Variants in PNLIPRP3 observed in about 807,000 individuals in gnomAD.
PNLIPRP3 encodes pancreatic lipase related protein 3.
A neutral mutation model predicts 52.8 loss-of-function variants in PNLIPRP3; 58 were observed. That is an observed-to-expected ratio of 1.10 (90% CI 0.89 to 1.37). PNLIPRP3 has a LOEUF of 1.37. Among genes scored for constraint, PNLIPRP3 ranks in the 40% most tolerant of loss-of-function variants. The pLI is 0.00. For synonymous variants in PNLIPRP3, 192 were observed against 185.0 expected (o/e 1.04, Z -0.31); for missense variants, 593 against 561.6 (o/e 1.06, Z -0.57).
chr10:116,461,271 C>A lies in PNLIPRP3; in HGVS notation c.789C>A (p.Asn263Lys). The part of the protein sequence containing the change: ...EDLITPLLKF[N>K]FNAYKKEMAS... ...TAATTACACCTTTACTGAAATTTAA[C>A]TTCAATGCTTACAAAAAAGGTAAAT... Residue 263 changes from asparagine to lysine, a missense_variant, in exon 7 of 12, where the codon AAC (asparagine) becomes AAA (lysine). Coordinates refer to ENST00000369230, the MANE Select transcript of PNLIPRP3 (RefSeq NM_001011709.3). 6.2e-7 allele frequency: 1 copy of A among 1,612,674 alleles called. No homozygotes were observed. Among genetic ancestry groups the A allele is most frequent in the East Asian group, 2.2e-5 (1 of 44,868 alleles).
chr10:116,442,727 T>C (rs1845876065), intron 2 of PNLIPRP3, among the ~76,000 whole-genome samples: 1 of 152,040 alleles, frequency 6.6e-6, no homozygotes, highest in Non-Finnish European at 1.5e-5. Flanking sequence ...TAGCCATGTG[T>C]GGTGTCATGG....
chr10:116,449,619 T>A (rs539571082), intron 4 of PNLIPRP3, among the ~76,000 whole-genome samples: 3 of 152,178 alleles, frequency 2.0e-5, no homozygotes, highest in Admixed American at 2.0e-4. Context: ...AAGGGAGAAA[T>A]ACACAGCAGT....
chr10:116,454,781 A>T (rs948147250), intron 4 of PNLIPRP3, among the ~76,000 whole-genome samples: 1 of 152,202 alleles, frequency 6.6e-6, no homozygotes, highest in East Asian at 1.9e-4. Context: ...TTTATCCATT[A>T]ATTCATTGAT....
Position 116,477,083 on chromosome 10 carries a change from C to T in PNLIPRP3, c.1341-7C>T, listed in dbSNP as rs776238461. ...AATTCCTTTTTTTTTTCCTTAAAAACTTTCAGATCTACCTTCTGTAGCCAA... is the reference window on the plus strand; with the variant it reads ...AATTCCTTTTTTTTTTCCTTAAAAATTTTCAGATCTACCTTCTGTAGCCAA... On this transcript the variant is annotated splice_polypyrimidine_tract_variant and splice_region_variant and intron_variant, in intron 11 of 11. Coordinates refer to ENST00000369230, the MANE Select transcript of PNLIPRP3 (RefSeq NM_001011709.3). The T allele has an allele frequency of 1.5e-5, 23 of 1,569,204 alleles. No individual in the cohort carries two copies. Among genetic ancestry groups the T allele is most frequent in the Admixed American group, 1.8e-5 (1 of 56,294 alleles).
chr10:116,460,578 G>A (rs1297112414), intron 5 of PNLIPRP3, among the ~76,000 whole-genome samples: 1 of 152,148 alleles, frequency 6.6e-6, no homozygotes, highest in Non-Finnish European at 1.5e-5. Context: ...GTGTTGCTTT[G>A]TAGATTCATC....
chr10:116,451,268 C>T (rs555100037), intron 4 of PNLIPRP3, among the ~76,000 whole-genome samples: 3 of 152,270 alleles, frequency 2.0e-5, no homozygotes, highest in Admixed American at 2.0e-4. Context: ...TATACACACA[C>T]ACACAAATCA....
chr10:116,439,583 A>G (rs771821061), intron 2 of PNLIPRP3: 56 of 809,278 alleles, frequency 6.9e-5, no homozygotes, highest in Non-Finnish European at 1.1e-4. Flanking sequence ...AGTCAGCAAC[A>G]TCCTTCTCAT....
At chr10:116,442,961 G>A (rs1845878881) in intron 2 of PNLIPRP3, 94 bp from the exon 3 acceptor site, 1 of 958,760 alleles carries the variant, frequency 1.0e-6, no homozygotes, top group African/African-American at 1.7e-5. Context: ...ATCAAATTTA[G>A]TGAAAGGCTT....
chr10:116,476,751 G>C lies in PNLIPRP3; in HGVS notation c.1272G>C (p.Leu424Phe). The C allele has an allele frequency of 6.2e-7, 1 of 1,610,586 alleles. No individual in the cohort carries two copies. The highest frequency in any genetic ancestry group is 8.5e-7 in the Non-Finnish European group (1 of 1,178,166). The part of the protein sequence containing the change: ...TSVQFIWKKH[L>F]FEDSQNKLGA... ...TTCAGTTCATCTGGAAAAAACATTTGTTTGAAGATTCTCAGAATAAGTTGG... is the reference window on the plus strand; with the variant it reads ...TTCAGTTCATCTGGAAAAAACATTTCTTTGAAGATTCTCAGAATAAGTTGG... The change falls in exon 11 of 12, where the codon TTG becomes TTC. Residue 424 changes from leucine to phenylalanine, a missense_variant. By Grantham distance (22) the Leu-to-Phe change is conservative. Coordinates refer to ENST00000369230, the MANE Select transcript of PNLIPRP3 (RefSeq NM_001011709.3).
rs1281692554 is a variant in PNLIPRP3 at position 116,461,027 on chromosome 10, G to A, written c.627G>A (p.Ser209=). 5 of 1,613,648 alleles carry A rather than the reference G, an allele frequency of 3.1e-6. No individual in the cohort carries two copies. Among genetic ancestry groups the A allele is most frequent in the East Asian group, 4.5e-5 (2 of 44,536 alleles). The part of the protein sequence containing the change: ...NTPKEVRLDP[S]DANFVDVIHT... ...CAAAGGAAGTCAGGCTAGACCCCTC[G>A]GATGCCAACTTTGTTGACGTTATTC... is the stretch of plus-strand genomic sequence containing the variant. The change falls in exon 6 of 12, where the codon TCG becomes TCA. Residue 209 remains serine (S), a synonymous_variant. Transcript: ENST00000369230.
intron 5 of PNLIPRP3, among the ~76,000 whole-genome samples, chr10:116,458,646 G>A (rs1027037677): frequency 1.3e-5 from 2 of 152,130 alleles, no homozygotes; most frequent in East Asian, 1.9e-4. Context: ...TGTTAAGCGC[G>A]AATGGTTCAT....
chr10:116,430,445 C>A (rs1021845465), intron 1 of PNLIPRP3, among the ~76,000 whole-genome samples: 1 of 152,068 alleles, frequency 6.6e-6, no homozygotes, highest in Non-Finnish European at 1.5e-5. Context: ...ATAGTCAGTA[C>A]GGTATGTGAT....
chr10:116,476,539 C>A lies in PNLIPRP3; in HGVS notation c.1173-113C>A, dbSNP rs1027341434. On this transcript the variant is annotated intron_variant, in intron 10 of 11. Transcript: ENST00000369230. Reference sequence around the variant, plus strand: ...ATGGAAAGAATAAATCTCCTACAAGCAAATGCTAGCAAATACAAGTTTCTC... The same window carrying A: ...ATGGAAAGAATAAATCTCCTACAAGAAAATGCTAGCAAATACAAGTTTCTC... 40 of 778,482 alleles carry A rather than the reference C, an allele frequency of 5.1e-5. No individual in the cohort carries two copies. The African/African-American group carries it at 5.4e-4, about 11-fold the overall frequency. 48.2% of individuals were successfully genotyped at this position (778,482 alleles called of 1,614,324 possible).
chr10:116,454,987 T>A (rs1014493431), intron 4 of PNLIPRP3, among the ~76,000 whole-genome samples: 1 of 152,226 alleles, frequency 6.6e-6, no homozygotes, highest in African/African-American at 2.4e-5. Flanking sequence ...TGGCTATACC[T>A]ATTTACGTTC....
chr10:116,457,932 T>A (rs1846138557), intron 5 of PNLIPRP3, among the ~76,000 whole-genome samples: 1 of 152,232 alleles, frequency 6.6e-6, no homozygotes. Flanking sequence ...TATGTGGATG[T>A]TTTAATCTAT....
intron 4 of PNLIPRP3, among the ~76,000 whole-genome samples, chr10:116,448,727 G>A (rs1005858988): frequency 7.9e-6 from 1 of 125,850 alleles, no homozygotes; most frequent in East Asian, 2.3e-4. Context: ...GTTTTGTTTT[G>A]TTTTAGGGCT....
At chr10:116,439,349 T>C in intron 2 of PNLIPRP3, 2 of 438,436 alleles carry the variant, frequency 4.6e-6, no homozygotes, top group Non-Finnish European at 8.4e-6. Context: ...TGATCAAATT[T>C]TGTAATTAAA....
rs1845988823 is a variant in PNLIPRP3 at position 116,448,500 on chromosome 10, G to A, written c.456+3987G>A. ...AAACACAAAGGAAGACAACAAGAGA[G>A]GAAAAGAGGACCAAAGAACTATAAG... On this transcript the variant is annotated intron_variant, in intron 4 of 11. Transcript: ENST00000369230. 1.6e-4 allele frequency among the ~76,000 whole-genome samples: 3 copies of A among 18,182 alleles called. No homozygotes were observed. In the South Asian group the frequency reaches 0.012, roughly 75 times the overall value. 11.9% of individuals were successfully genotyped at this position (18,182 alleles called of 152,430 possible). A position where few individuals can be genotyped will look rare whatever the true frequency, so the allele number is the denominator to read the frequency against.
At chr10:116,446,818 T>C (rs1845960428) in intron 4 of PNLIPRP3, among the ~76,000 whole-genome samples, 1 of 152,190 alleles carries the variant, frequency 6.6e-6, no homozygotes, top group African/African-American at 2.4e-5. Flanking sequence ...TCTTAACTTC[T>C]ACCTCTGACC....
Sources: gnomAD v4.1 joint callset for allele counts (sites outside exome capture counted in the v4.1 genomes callset) on GRCh38, gnomAD v4.1.1 for gene constraint, MANE v1.5 for transcripts, NCBI Gene and HGNC (gene_info 2026-07-23, HGNC 2026-07-21) for gene names.